The following PTPRU variants were observed in gnomAD, a reference collection of about 807,000 sequenced individuals.
PTPRU encodes protein tyrosine phosphatase receptor type U.
A neutral mutation model predicts 166.3 loss-of-function variants in PTPRU; 69 were observed. The ratio of observed to expected loss-of-function variants is 0.41; its 90% CI spans 0.34 to 0.51. The LOEUF (loss-of-function observed/expected upper bound fraction) is 0.51. PTPRU is among the 20% of genes least tolerant of loss of function. PTPRU has a pLI of 0.09. For missense variants in PTPRU, 1,657 were observed against 2,013.7 expected, an observed-to-expected ratio of 0.82 and a Z score of 3.39; for synonymous variants, 793 against 814.0, an observed-to-expected ratio of 0.97 and a Z score of 0.44.
intron 8 of PTPRU, among the ~76,000 whole-genome samples, chr1:29,276,752 A>C (rs1028923598): frequency 1.3e-5 from 2 of 152,072 alleles, no homozygotes; most frequent in Non-Finnish European, 2.9e-5. Context: ...AATCTTTCCA[A>C]AGAACCAACT....
chr1:29,313,946 C>T (rs754234710), intron 22 of PTPRU, among the ~76,000 whole-genome samples: 27 of 152,190 alleles, frequency 1.8e-4, no homozygotes, highest in Admixed American at 4.6e-4. Context: ...CTGAATTCCC[C>T]CATCCCCAGT....
intron 14 of PTPRU, among the ~76,000 whole-genome samples, chr1:29,289,184 A>G (rs1686502115): frequency 6.6e-6 from 1 of 151,906 alleles, no homozygotes; most frequent in Non-Finnish European, 1.5e-5. Flanking sequence ...TAGCCTAGAG[A>G]GTATGAGTCT....
Position 29,238,151 on chromosome 1 carries a change from T to A in PTPRU, c.73+1434T>A, listed in dbSNP as rs1683867715. Among the ~76,000 whole-genome samples, 3 of 151,896 alleles carry A rather than the reference T, an allele frequency of 2.0e-5. No homozygotes were observed. In the South Asian group the frequency reaches 6.2e-4, roughly 32 times the overall value. On this transcript the variant is annotated intron_variant, in intron 1 of 29. Transcript: ENST00000373779. This position sits in a 1 kb window ranked among gnomAD's most constrained non-coding sequence, Gnocchi z 6.1. ...CGTTCTCCGGGTGTGTTTCGGAGTC[T>A]GGTGTCTTTGGTGTGCGTGCGCGTG...
At position 29,279,310 on chromosome 1, in the gene PTPRU, G is replaced by A. The variant is rs964966978; in HGVS notation, c.1564-146G>A. 1.9e-6 allele frequency: 2 copies of A among 1,045,900 alleles called. No homozygotes were observed. The highest frequency in any genetic ancestry group is 2.8e-6 in the Non-Finnish European group (2 of 708,934). 64.8% of individuals were successfully genotyped at this position (1,045,900 alleles called of 1,614,324 possible). A position where few individuals can be genotyped will look rare whatever the true frequency, so the allele number is the denominator to read the frequency against. On this transcript the variant is annotated intron_variant, in intron 9 of 29. Coordinates refer to ENST00000373779, the MANE Select transcript of PTPRU (RefSeq NM_133178.4). The surrounding 1 kb of genome is among the most constrained non-coding windows in gnomAD (Gnocchi z 5.2). ...CCTGAAGGCAGGAGGGAGAGCCGAA[G>A]ATGACTAGAAGCCTGGCTTGATGGC...
rs576876548 is a variant in PTPRU, at chr1:29,281,121, G to A, written c.1868+980G>A. 5.3e-5 allele frequency among the ~76,000 whole-genome samples: 8 copies of A among 152,238 alleles called. No individual in the cohort carries two copies. The East Asian group carries it at 1.2e-3, about 22-fold the overall frequency. ...GAGAGGGTGACAGCCTTTAGGTGGG[G>A]GGGGTGTGAGGGTCCTAGTCAGTTC... On this transcript the variant is annotated intron_variant, in intron 11 of 29. Transcript: ENST00000373779.
chr1:29,287,972 C>T (rs904867681), intron 14 of PTPRU, among the ~76,000 whole-genome samples: 2 of 152,082 alleles, frequency 1.3e-5, no homozygotes, highest in African/African-American at 4.8e-5. Context: ...CACCACCATA[C>T]TCGGCTAATT....
chr1:29,241,570 AT>A (rs1170440892), intron 1 of PTPRU, among the ~76,000 whole-genome samples: 150 of 140,580 alleles, frequency 1.1e-3, no homozygotes, highest in Middle Eastern at 3.7e-3. Flanking sequence ...CCATGTGTCT[AT>A]TTTTTTTTTT....
At chr1:29,253,617 TA>T (rs1044239702) in intron 1 of PTPRU, among the ~76,000 whole-genome samples, 19 of 151,976 alleles carry the variant, frequency 1.3e-4, no homozygotes, top group Non-Finnish European at 2.6e-4. Flanking sequence ...GCCATTACTT[TA>T]AAAAAATGGC....
chr1:29,320,774 G>A lies in PTPRU; in HGVS notation c.3777G>A (p.Gly1259=). The part of the protein sequence containing the change: ...PDFWRLVYDY[G]CTSIVMLNQL... Reference sequence around the variant, plus strand: ...TCTGGCGGCTGGTCTACGATTACGGGTGCACCTCCATCGTCATGCTCAACC... The same window carrying A: ...TCTGGCGGCTGGTCTACGATTACGGATGCACCTCCATCGTCATGCTCAACC... The change falls in exon 26 of 30, where the codon GGG becomes GGA. Residue 1259 remains glycine (G), a synonymous_variant. Coordinates refer to ENST00000373779, the MANE Select transcript of PTPRU (RefSeq NM_133178.4). The surrounding 1 kb of genome is among the most constrained non-coding windows in gnomAD (Gnocchi z 5.2). 1.2e-6 allele frequency: 2 copies of A among 1,607,240 alleles called. No homozygotes were observed. Among genetic ancestry groups the A allele is most frequent in the Non-Finnish European group, 1.7e-6 (2 of 1,174,814 alleles).
rs768529236 is a variant in PTPRU at position 29,291,882 on chromosome 1, A to C, written c.2332A>C (p.Met778Leu). 1.9e-6 allele frequency: 3 copies of C among 1,614,008 alleles called. No homozygotes were observed. In the East Asian group the frequency reaches 6.7e-5, roughly 36 times the overall value. Reference sequence around the variant, plus strand: ...CCCCCTCTCCAGGAAGCCGGTGAACATGACCAAGGCCACCGTCAACTACCG... The same window carrying C: ...CCCCCTCTCCAGGAAGCCGGTGAACCTGACCAAGGCCACCGTCAACTACCG... The part of the protein sequence containing the change: ...VIIRKGKPVN[M>L]TKATVNYRQE... Residue 778 changes from methionine (M) to leucine (L), a missense_variant, in exon 15 of 30, where the codon ATG (methionine) becomes CTG (leucine). Met to Leu is a conservative substitution (Grantham distance 15). Transcript: ENST00000373779. This position sits in a 1 kb window ranked among gnomAD's most constrained non-coding sequence, Gnocchi z 4.1.
intron 18 of PTPRU, 95 bp from the exon 19 acceptor site, chr1:29,310,649 A>G: frequency 7.7e-7 from 1 of 1,293,738 alleles, no homozygotes; most frequent in Admixed American, 1.7e-5. Context: ...CTGGTGGGGT[A>G]GGGGTTCTGC....
At position 29,315,731 on chromosome 1, in the gene PTPRU, T is replaced by C. The variant is rs1464264337; in HGVS notation, c.3363+224T>C. Reference sequence around the variant, plus strand: ...CAACCGGTCCTGTAGCTGACATACCTGGGATTGCATCCTCAGTGGATGTGT... The same window carrying C: ...CAACCGGTCCTGTAGCTGACATACCCGGGATTGCATCCTCAGTGGATGTGT... On this transcript the variant is annotated intron_variant, in intron 23 of 29. Transcript: ENST00000373779. The surrounding 1 kb of genome is among the most constrained non-coding windows in gnomAD (Gnocchi z 4.5). 1.3e-5 allele frequency among the ~76,000 whole-genome samples: 2 copies of C among 152,190 alleles called. No individual in the cohort carries two copies. Among genetic ancestry groups the C allele is most frequent in the Non-Finnish European group, 2.9e-5 (2 of 68,032 alleles).
At chr1:29,289,819 G>A (rs1686539623) in intron 14 of PTPRU, 1 of 1,321,966 alleles carries the variant, frequency 7.6e-7, no homozygotes, top group African/African-American at 1.5e-5. Context: ...AGCCTGGCCT[G>A]GTGTCCACCC....
In PTPRU at chr1:29,279,180, T is replaced by C; in HGVS notation, c.1563+59T>C. On this transcript the variant is annotated intron_variant, in intron 9 of 29. Coordinates refer to ENST00000373779, the MANE Select transcript of PTPRU (RefSeq NM_133178.4). This position sits in a 1 kb window ranked among gnomAD's most constrained non-coding sequence, Gnocchi z 5.2. Reference sequence around the variant, plus strand: ...TGGTGGAAGGTGAGAGGTGGCCCTCTTTCTCTCTGCTGCTACAGTAGGAGG... The same window carrying C: ...TGGTGGAAGGTGAGAGGTGGCCCTCCTTCTCTCTGCTGCTACAGTAGGAGG... The C allele has an allele frequency of 7.2e-7, 1 of 1,380,826 alleles. No homozygotes were observed. The highest frequency in any genetic ancestry group is 1.3e-5 in the South Asian group (1 of 79,788). 85.5% of individuals were successfully genotyped at this position (1,380,826 alleles called of 1,614,324 possible). A position where few individuals can be genotyped will look rare whatever the true frequency, so the allele number is the denominator to read the frequency against.
Position 29,258,579 on chromosome 1 carries a change from G to A in PTPRU, c.280G>A (p.Glu94Lys), listed in dbSNP as rs1182130635. The A allele has an allele frequency of 1.2e-6, 2 of 1,614,262 alleles. No individual in the cohort carries two copies. The highest frequency in any genetic ancestry group is 8.5e-7 in the Non-Finnish European group (1 of 1,180,048). Reference protein sequence around the residue: ...RAHVIFQSLSENDTHCVQFSY... With the variant: ...RAHVIFQSLSKNDTHCVQFSY... ...CCATGTCATCTTCCAGAGCCTGAGC[G>A]AGAATGATACCCACTGTGTGCAGTT... is the stretch of plus-strand genomic sequence containing the variant. The change falls in exon 3 of 30, where the codon GAG becomes AAG. Residue 94 changes from glutamate (E) to lysine (K), a missense_variant. Glu to Lys is a moderately conservative substitution (Grantham distance 56, BLOSUM62 1). This residue lies in a region of PTPRU where 453 missense variants were observed against 496.9 expected (regional missense o/e 0.91). Transcript: ENST00000373779.
intron 25 of PTPRU, among the ~76,000 whole-genome samples, chr1:29,319,796 G>C (rs12756571): frequency 1.3e-5 from 2 of 152,134 alleles, no homozygotes; most frequent in African/African-American, 4.8e-5. Flanking sequence ...CCAGCCCCTA[G>C]GTCAGGAGGA....
At chr1:29,303,255 C>CG (rs1255423941) in intron 15 of PTPRU, among the ~76,000 whole-genome samples, 1 of 152,034 alleles carries the variant, frequency 6.6e-6, no homozygotes, top group Non-Finnish European at 1.5e-5. Flanking sequence ...CCTGGGGGCT[C>CG]GGGGGAGGAT....
rs200884886 is a variant in PTPRU, at chr1:29,311,525, T to G, written c.2927T>G (p.Met976Arg). ...VWQEHCSSIV[M>R]ITKLVEVGRV... ...CAGGAGCACTGTTCCAGCATCGTCA[T>G]GATCACCAAGCTGGTCGAGGTGGGC... The change falls in exon 20 of 30, where the codon ATG becomes AGG. Residue 976 changes from methionine to arginine, a missense_variant. By Grantham distance (91) the Met-to-Arg change is moderately conservative (BLOSUM62 -1). Transcript: ENST00000373779. This position sits in a 1 kb window ranked among gnomAD's most constrained non-coding sequence, Gnocchi z 4.1. The G allele has an allele frequency of 4.0e-5, 65 of 1,614,048 alleles. No individual in the cohort carries two copies. Among genetic ancestry groups the G allele is most frequent in the Non-Finnish European group, 3.0e-5 (35 of 1,180,028 alleles).
rs1685985290 is a variant in PTPRU, at chr1:29,279,944, G to A, written c.1766-95G>A. 7.8e-7 allele frequency: 1 copy of A among 1,288,764 alleles called. No homozygotes were observed. Among genetic ancestry groups the A allele is most frequent in the Admixed American group, 2.0e-5 (1 of 50,286 alleles). The allele number at this position is 1,288,764 out of a possible 1,614,324, so 79.8% of individuals were successfully genotyped here. On this transcript the variant is annotated intron_variant, in intron 10 of 29. Coordinates refer to ENST00000373779, the MANE Select transcript of PTPRU (RefSeq NM_133178.4). The surrounding 1 kb of genome is among the most constrained non-coding windows in gnomAD (Gnocchi z 5.2). ...GAACAAAGAGGCTAAGGCTGAAGTA[G>A]GGGAGATCTGAGGACTGTGGTCAAG...
Sources: allele counts gnomAD v4.1 joint callset (sites outside exome capture counted in the v4.1 genomes callset), GRCh38; gene constraint gnomAD v4.1.1; regional missense constraint gnomAD v4.1.1; non-coding constraint Gnocchi (gnomAD v3.1); transcripts MANE v1.5; gene names NCBI Gene and HGNC (gene_info 2026-07-23, HGNC 2026-07-21).